The following CACNA2D3 variants were observed in gnomAD, a reference collection of about 807,000 sequenced individuals.
CACNA2D3 encodes voltage-dependent calcium channel subunit alpha-2/delta-3.
CACNA2D3 carries 60 observed loss-of-function variants against 160.6 expected under a neutral mutation model. The observed-to-expected ratio is 0.37, with a 90% CI of 0.30 to 0.46. The LOEUF (loss-of-function observed/expected upper bound fraction) is 0.46, where lower values mean the gene tolerates loss of function less well. Ranked by LOEUF, CACNA2D3 falls within the 20% of genes least tolerant of loss-of-function variation. The probability of loss-of-function intolerance (pLI) is 1.00; values close to 1 mark genes in which losing one functional copy is unlikely to be tolerated. For missense variants in CACNA2D3, 1,205 were observed against 1,365.0 expected, an observed-to-expected ratio of 0.88 and a Z score of 1.85; for synonymous variants, 558 against 492.9, an observed-to-expected ratio of 1.13 and a Z score of -1.75.
intron 4 of CACNA2D3, among the ~76,000 whole-genome samples, chr3:54,408,566 G>C (rs1166549677): frequency 6.6e-6 from 1 of 152,122 alleles, no homozygotes; most frequent in Non-Finnish European, 1.5e-5. Context: ...ATGTTAACCA[G>C]TTCCTCTTTT....
At chr3:54,171,909 G>T (rs921545268) in intron 2 of CACNA2D3, among the ~76,000 whole-genome samples, 1 of 152,166 alleles carries the variant, frequency 6.6e-6, no homozygotes, top group Non-Finnish European at 1.5e-5. Context: ...ATTCATGCCT[G>T]TCTCTGGATG....
intron 27 of CACNA2D3, among the ~76,000 whole-genome samples, chr3:54,920,358 C>A (rs1393230742): frequency 6.6e-6 from 1 of 152,176 alleles, no homozygotes; most frequent in Non-Finnish European, 1.5e-5. Flanking sequence ...GTGGCAGTGG[C>A]AAAATTCAAC....
At chr3:54,799,597 A>G (rs1171270658) in intron 13 of CACNA2D3, among the ~76,000 whole-genome samples, 2 of 152,144 alleles carry the variant, frequency 1.3e-5, no homozygotes, top group Non-Finnish European at 2.9e-5. Context: ...CAGACTCTTG[A>G]GTTTTCACTA....
chr3:54,668,233 C>CAGTG (rs1339789956), intron 11 of CACNA2D3, among the ~76,000 whole-genome samples: 1 of 152,140 alleles, frequency 6.6e-6, no homozygotes, highest in Non-Finnish European at 1.5e-5. Context: ...ATCAGACATA[C>CAGTG]AGTGCCTTGA....
intron 11 of CACNA2D3, among the ~76,000 whole-genome samples, chr3:54,649,411 G>C (rs767257789): frequency 1.3e-5 from 2 of 152,180 alleles, no homozygotes; most frequent in Non-Finnish European, 2.9e-5. Flanking sequence ...GAGAAATTAG[G>C]CTCCCTCTAC....
chr3:54,139,239 T>C (rs1699874329), intron 2 of CACNA2D3, among the ~76,000 whole-genome samples: 1 of 152,246 alleles, frequency 6.6e-6, no homozygotes, highest in African/African-American at 2.4e-5. Flanking sequence ...TTTGTCCCAG[T>C]GTGCCCCCAT....
chr3:54,786,982 C>A (rs1702654346), intron 13 of CACNA2D3, among the ~76,000 whole-genome samples: 1 of 152,190 alleles, frequency 6.6e-6, no homozygotes, highest in Admixed American at 6.5e-5. Flanking sequence ...GATATGGAAG[C>A]CATTGTTATT....
chr3:54,743,173 G>C (rs1296530549), intron 11 of CACNA2D3, among the ~76,000 whole-genome samples: 1 of 152,202 alleles, frequency 6.6e-6, no homozygotes, highest in East Asian at 1.9e-4. Flanking sequence ...CTCCATGCCA[G>C]GTACTGAATT....
intron 3 of CACNA2D3, among the ~76,000 whole-genome samples, chr3:54,332,394 A>G (rs904925719): frequency 1.3e-5 from 2 of 152,162 alleles, no homozygotes; most frequent in African/African-American, 4.8e-5. Flanking sequence ...AATTATTGGC[A>G]CAACCTTGAA....
At chr3:54,887,152 G>A (rs970693581) in intron 23 of CACNA2D3, among the ~76,000 whole-genome samples, 3 of 152,078 alleles carry the variant, frequency 2.0e-5, no homozygotes, top group South Asian at 2.1e-4. Context: ...TTGGCCGAGC[G>A]TGGTGGCTCA....
chr3:54,642,345 A>C (rs1170990488), intron 11 of CACNA2D3, 104 bp downstream of exon 11: 3 of 575,044 alleles, frequency 5.2e-6, no homozygotes, highest in Non-Finnish European at 8.7e-6. Flanking sequence ...TTAATCTCAT[A>C]ATGATCTGTG....
At chr3:54,134,803 C>T (rs1487541271) in intron 2 of CACNA2D3, among the ~76,000 whole-genome samples, 1 of 152,224 alleles carries the variant, frequency 6.6e-6, no homozygotes, top group Non-Finnish European at 1.5e-5. Context: ...TGGGTCAGCA[C>T]GCTAGAGGCA....
intron 2 of CACNA2D3, among the ~76,000 whole-genome samples, chr3:54,261,197 A>G (rs1702394318): frequency 6.6e-6 from 1 of 152,104 alleles, no homozygotes; most frequent in African/African-American, 2.4e-5. Context: ...CAGCTTCTCT[A>G]TTATACAGGG....
At chr3:54,848,181 TG>T (rs1458638350) in intron 17 of CACNA2D3, among the ~76,000 whole-genome samples, 1 of 152,166 alleles carries the variant, frequency 6.6e-6, no homozygotes, top group Non-Finnish European at 1.5e-5. Context: ...CTGCAGCAAA[TG>T]GTGTGTTTGT....
In CACNA2D3 at chr3:54,987,715, T is replaced by C. The variant is rs1702647222; in HGVS notation, c.2652T>C (p.Ala884=). ...ACTTTTTTGGTGAGATCGAGGGAGC[T>C]GTGATGAACAAATTGCTAACAATGG... The part of the protein sequence containing the change: ...TGDFFGEIEG[A]VMNKLLTMGS... The change falls in exon 31 of 38, where the codon GCT becomes GCC. Residue 884 remains alanine (A), a synonymous_variant. Coordinates refer to ENST00000474759, the MANE Select transcript of CACNA2D3 (RefSeq NM_018398.3). The C allele has an allele frequency of 6.2e-7, 1 of 1,611,252 alleles. No individual in the cohort carries two copies. The highest frequency in any genetic ancestry group is 8.5e-7 in the Non-Finnish European group (1 of 1,178,960).
intron 25 of CACNA2D3, 86 bp downstream of exon 25, chr3:54,891,536 A>G (rs1007772590): frequency 5.7e-6 from 6 of 1,057,748 alleles, no homozygotes; most frequent in South Asian, 1.4e-5. Flanking sequence ...TCTTGATTCC[A>G]CTACTGGTAG....
chr3:54,731,760 T>C (rs555024753), intron 11 of CACNA2D3, among the ~76,000 whole-genome samples: 18 of 152,194 alleles, frequency 1.2e-4, no homozygotes, highest in African/African-American at 4.3e-4. Flanking sequence ...TGTGTTAAAA[T>C]GTCTGAGTTC....
At chr3:54,257,974 G>A (rs1288459910) in intron 2 of CACNA2D3, among the ~76,000 whole-genome samples, 1 of 152,182 alleles carries the variant, frequency 6.6e-6, no homozygotes, top group Non-Finnish European at 1.5e-5. Flanking sequence ...ATAAAATCAA[G>A]ATCCCGATAG....
intron 31 of CACNA2D3, among the ~76,000 whole-genome samples, chr3:55,002,421 G>T (rs564375565): frequency 8.5e-5 from 13 of 152,332 alleles, no homozygotes; most frequent in African/African-American, 3.1e-4. Flanking sequence ...AGTGAGGATG[G>T]AGATGGTGGC....
Sources: gnomAD v4.1 joint callset for allele counts (sites outside exome capture counted in the v4.1 genomes callset) on GRCh38, gnomAD v4.1.1 for gene constraint, MANE v1.5 for transcripts, NCBI Gene and HGNC (gene_info 2026-07-23, HGNC 2026-07-21) for gene names.